The following ANKFN1 variants were observed in gnomAD, a reference collection of about 807,000 sequenced individuals.
The protein encoded by ANKFN1 is ankyrin repeat and fibronectin type-III domain-containing protein 1.
A neutral mutation model predicts 108.7 loss-of-function variants in ANKFN1; 74 were observed. The observed-to-expected ratio is 0.68, with a 90% CI of 0.56 to 0.83. The LOEUF is 0.83. ANKFN1 is among the 40% of genes least tolerant of loss of function. The pLI is 0.00. For missense variants in ANKFN1, 1,505 were observed against 1,382.3 expected (o/e 1.09, Z -1.41); for synonymous variants, 547 against 516.2 (o/e 1.06, Z -0.81).
chr17:56,352,652 T>C (rs2046275642), intron 5 of ANKFN1, among the ~76,000 whole-genome samples: 1 of 152,172 alleles, frequency 6.6e-6, no homozygotes, highest in East Asian at 1.9e-4. Flanking sequence ...TTTCTACAAG[T>C]GAAGTGTATT....
chr17:56,454,313 T>G (rs2049605521), intron 11 of ANKFN1, among the ~76,000 whole-genome samples: 1 of 152,220 alleles, frequency 6.6e-6, no homozygotes, highest in Non-Finnish European at 1.5e-5. Context: ...CTGGTTATTT[T>G]TATAGACTCT....
intron 2 of ANKFN1, among the ~76,000 whole-genome samples, chr17:56,223,269 A>G (rs1384973503): frequency 6.6e-6 from 1 of 152,246 alleles, no homozygotes; most frequent in Non-Finnish European, 1.5e-5. Flanking sequence ...GGTGTTGGGC[A>G]AAGCGTTCAC....
At chr17:56,436,130 C>G (rs2048922553) in intron 8 of ANKFN1, among the ~76,000 whole-genome samples, 1 of 152,056 alleles carries the variant, frequency 6.6e-6, no homozygotes, top group Non-Finnish European at 1.5e-5. Flanking sequence ...GGTAGAACTT[C>G]CCTGCCCAAA....
At chr17:56,475,383 T>C (rs1486520926) in intron 15 of ANKFN1, among the ~76,000 whole-genome samples, 1 of 152,198 alleles carries the variant, frequency 6.6e-6, no homozygotes, top group Admixed American at 6.5e-5. Context: ...ATGTGTTTGA[T>C]AAAGGATGAG....
chr17:56,396,602 AT>A (rs1361256482), intron 8 of ANKFN1, among the ~76,000 whole-genome samples: 3 of 152,126 alleles, frequency 2.0e-5, no homozygotes, highest in African/African-American at 7.2e-5. Flanking sequence ...TTATAATATT[AT>A]TATACCTACC....
intron 14 of ANKFN1, among the ~76,000 whole-genome samples, chr17:56,463,448 AAAG>A (rs2049977495): frequency 6.6e-6 from 1 of 152,216 alleles, no homozygotes; most frequent in African/African-American, 2.4e-5. Context: ...TAAAAAAGAA[AAAG>A]AAGTCTATTC....
intron 15 of ANKFN1, among the ~76,000 whole-genome samples, chr17:56,477,079 C>T (rs776651602): frequency 2.3e-4 from 35 of 152,174 alleles, no homozygotes; most frequent in Non-Finnish European, 4.3e-4. Context: ...TACAACGCTT[C>T]CTTAACTGTG....
chr17:56,305,180 T>A (rs1205126302), intron 3 of ANKFN1, among the ~76,000 whole-genome samples: 1 of 152,054 alleles, frequency 6.6e-6, no homozygotes, highest in Non-Finnish European at 1.5e-5. Context: ...AACCATCAGA[T>A]CTTGTGAGAA....
intron 1 of ANKFN1, among the ~76,000 whole-genome samples, chr17:56,181,811 T>A (rs1911702888): frequency 6.6e-6 from 1 of 152,234 alleles, no homozygotes; most frequent in Non-Finnish European, 1.5e-5. Context: ...GATATTGCAT[T>A]TTTTACAAAT....
At chr17:56,336,170 A>C (rs1269144141) in intron 4 of ANKFN1, among the ~76,000 whole-genome samples, 2 of 152,168 alleles carry the variant, frequency 1.3e-5, no homozygotes, top group Non-Finnish European at 2.9e-5. Flanking sequence ...ATTGGTCTAA[A>C]ATTCTCTTTT....
chr17:56,239,352 G>T (rs1917408217), intron 3 of ANKFN1, among the ~76,000 whole-genome samples: 1 of 152,112 alleles, frequency 6.6e-6, no homozygotes, highest in Admixed American at 6.6e-5. Context: ...ACAATAATAT[G>T]GTGCAATAGT....
chr17:56,186,272 G>A (rs1008516812), intron 1 of ANKFN1, among the ~76,000 whole-genome samples: 1 of 151,676 alleles, frequency 6.6e-6, no homozygotes, highest in African/African-American at 2.4e-5. Context: ...AGTCACCTGG[G>A]AGAGGGGCCG....
At chr17:56,106,676 C>G (rs1905758702) in intron 4 of ANKFN1, among the ~76,000 whole-genome samples, 1 of 152,068 alleles carries the variant, frequency 6.6e-6, no homozygotes, top group Non-Finnish European at 1.5e-5. Flanking sequence ...GGAAGTATTT[C>G]CCTCATCTTC....
At chr17:56,420,955 G>A (rs1288200285) in intron 8 of ANKFN1, among the ~76,000 whole-genome samples, 4 of 152,068 alleles carry the variant, frequency 2.6e-5, no homozygotes, top group Admixed American at 1.3e-4. Flanking sequence ...TGATCCGCCC[G>A]CCTCGGCCTC....
intron 4 of ANKFN1, among the ~76,000 whole-genome samples, chr17:56,142,954 G>A (rs1174566292): frequency 6.6e-6 from 1 of 152,064 alleles, no homozygotes; most frequent in African/African-American, 2.4e-5. Flanking sequence ...TCCCAGAGGC[G>A]CGATCTGATC....
At chr17:56,399,340 A>T (rs1334457283) in intron 8 of ANKFN1, among the ~76,000 whole-genome samples, 2 of 152,054 alleles carry the variant, frequency 1.3e-5, no homozygotes, top group African/African-American at 4.8e-5. Flanking sequence ...CGAGAAAAAA[A>T]CTCAACCTCA....
intron 4 of ANKFN1, among the ~76,000 whole-genome samples, chr17:56,055,324 A>G (rs1038468797): frequency 7.9e-5 from 12 of 151,264 alleles, no homozygotes; most frequent in African/African-American, 2.4e-4. Flanking sequence ...CATATGAGAT[A>G]TTTGGTTTTC....
intron 15 of ANKFN1, chr17:56,472,196 A>G (rs1404847415): frequency 6.6e-6 from 1 of 152,216 alleles, no homozygotes; most frequent in East Asian, 1.9e-4. Context: ...AGTGTTTTGA[A>G]GAGAAGTTGA....
chr17:56,328,961 T>A (rs555261201), intron 4 of ANKFN1, among the ~76,000 whole-genome samples: 6 of 152,280 alleles, frequency 3.9e-5, no homozygotes, highest in African/African-American at 1.4e-4. Flanking sequence ...CCACAAGCTT[T>A]AGTTGAAGTC....
Sources: allele counts gnomAD v4.1 joint callset (sites outside exome capture counted in the v4.1 genomes callset), GRCh38; gene constraint gnomAD v4.1.1; transcripts MANE v1.5; gene names NCBI Gene and HGNC (gene_info 2026-07-23, HGNC 2026-07-21).